XKR6: variants seen among roughly 807,000 people sequenced by gnomAD.
XKR6 encodes XK-related protein 6.
XKR6 carries 22 observed loss-of-function variants against 56.7 expected under a neutral mutation model. The ratio of observed to expected loss-of-function variants is 0.39; its 90% confidence interval spans 0.28 to 0.55. The LOEUF is 0.55. XKR6 is among the 20% of genes least tolerant of loss of function. XKR6 has a pLI of 0.66. For missense variants in XKR6, 852 were observed against 889.0 expected, an observed-to-expected ratio of 0.96 and a Z score of 0.53; for synonymous variants, 524 against 387.8, an observed-to-expected ratio of 1.35 and a Z score of -4.13.
intron 1 of XKR6, among the ~76,000 whole-genome samples, chr8:10,979,812 T>C (rs1016079115): frequency 2.6e-5 from 4 of 152,042 alleles, no homozygotes; most frequent in African/African-American, 9.7e-5. Context: ...GGAGGGGAGA[T>C]CCAGGGCTGT....
chr8:11,005,456 G>A (rs958334712), intron 1 of XKR6, among the ~76,000 whole-genome samples: 2 of 152,042 alleles, frequency 1.3e-5, no homozygotes, highest in Admixed American at 1.3e-4. Context: ...GTTTCCATTT[G>A]GGAAGATGAA....
chr8:11,006,401 C>G (rs1292611746), intron 1 of XKR6, among the ~76,000 whole-genome samples: 2 of 152,118 alleles, frequency 1.3e-5, no homozygotes, highest in African/African-American at 4.8e-5. Flanking sequence ...TTGTCACTAT[C>G]CATCCCTTAT....
intron 1 of XKR6, among the ~76,000 whole-genome samples, chr8:10,950,688 C>A (rs1163560380): frequency 6.6e-6 from 1 of 152,222 alleles, no homozygotes; most frequent in Non-Finnish European, 1.5e-5. Flanking sequence ...CATACCTCAA[C>A]ACATTCCGAA....
At chr8:11,196,697 C>A (rs1803909795) in intron 1 of XKR6, among the ~76,000 whole-genome samples, 1 of 152,224 alleles carries the variant, frequency 6.6e-6, no homozygotes, top group Non-Finnish European at 1.5e-5. Context: ...GGGGTTCCCA[C>A]GTGATCACTT....
chr8:11,076,189 T>A (rs7017567), intron 1 of XKR6, among the ~76,000 whole-genome samples: 82,875 of 152,016 alleles, frequency 0.55, 24,886 homozygotes, highest in African/African-American at 0.77. Flanking sequence ...TAGAGGCAGA[T>A]AGTAGAATGG....
At chr8:10,938,253 T>C (rs1029165012) in intron 1 of XKR6, among the ~76,000 whole-genome samples, 2 of 152,188 alleles carry the variant, frequency 1.3e-5, no homozygotes, top group Non-Finnish European at 2.9e-5. Context: ...CTCGCCCTGC[T>C]TCGGCTCGCG....
At chr8:11,143,815 A>G (rs1053699447) in intron 1 of XKR6, among the ~76,000 whole-genome samples, 1 of 152,184 alleles carries the variant, frequency 6.6e-6, no homozygotes, top group Non-Finnish European at 1.5e-5. Flanking sequence ...GGGCTACCAT[A>G]ACAAAATACT....
chr8:10,897,972 G>A lies in XKR6; in HGVS notation c.1906C>T (p.Gln636Ter), dbSNP rs764645914. 6.3e-7 allele frequency: 1 copy of A among 1,593,678 alleles called. No homozygotes were observed. The highest frequency in any genetic ancestry group is 8.5e-7 in the Non-Finnish European group (1 of 1,170,566). Residue 636 changes from glutamine (Q) to a stop codon, truncating the protein, a stop_gained, in exon 3 of 3, where the codon CAG becomes TAG. Transcript: ENST00000416569. LOFTEE classifies it high-confidence loss of function. ...RDGPLLYELL[Q>*]YESSL ...TGCTCTTAGAGTGAAGACTCATACT[G>A]TAGCAACTCATAGAGGAGTGGTCCG...
At chr8:11,050,051 A>G (rs984218800) in intron 1 of XKR6, among the ~76,000 whole-genome samples, 1 of 152,200 alleles carries the variant, frequency 6.6e-6, no homozygotes, top group African/African-American at 2.4e-5. Context: ...GCCTTGAGCA[A>G]CACGCTCCAG....
chr8:11,194,972 T>A, intron 1 of XKR6: 2 of 542,218 alleles, frequency 3.7e-6, no homozygotes, highest in Non-Finnish European at 6.5e-6. Flanking sequence ...AAATTTACCA[T>A]AAATGTCAAG....
intron 1 of XKR6, among the ~76,000 whole-genome samples, chr8:11,033,074 C>T (rs551951321): frequency 2.7e-4 from 40 of 150,826 alleles, no homozygotes; most frequent in East Asian, 1.6e-3. Context: ...GTGGTGGTGA[C>T]GATGGTAATG....
At chr8:11,132,778 C>A (rs1800173891) in intron 1 of XKR6, among the ~76,000 whole-genome samples, 1 of 144,230 alleles carries the variant, frequency 6.9e-6, no homozygotes, top group Non-Finnish European at 1.5e-5. Context: ...CACACACACA[C>A]ACACACACGC....
chr8:10,996,792 C>T (rs984098977), intron 1 of XKR6, among the ~76,000 whole-genome samples: 2 of 152,048 alleles, frequency 1.3e-5, no homozygotes, highest in Non-Finnish European at 2.9e-5. Context: ...GTGGGAGGAT[C>T]ACTGGAGGCT....
chr8:10,907,002 C>G (rs56183247), intron 2 of XKR6, among the ~76,000 whole-genome samples: 5,929 of 151,862 alleles, frequency 0.039, 176 homozygotes, highest in Non-Finnish European at 0.062. Flanking sequence ...GAGCAGGGAT[C>G]ACACCACTGC....
chr8:11,013,637 G>A (rs1242815304), intron 1 of XKR6, among the ~76,000 whole-genome samples: 4 of 152,172 alleles, frequency 2.6e-5, no homozygotes, highest in African/African-American at 9.7e-5. Context: ...CTGTGTTGCT[G>A]GTGGGAATGT....
intron 2 of XKR6, among the ~76,000 whole-genome samples, chr8:10,921,610 A>G (rs1191851797): frequency 6.6e-6 from 1 of 152,222 alleles, no homozygotes; most frequent in Non-Finnish European, 1.5e-5. Flanking sequence ...GGGATTGTGA[A>G]AAGATGAAGG....
chr8:10,934,868 G>A (rs1022046839), intron 1 of XKR6, among the ~76,000 whole-genome samples: 20 of 144,352 alleles, frequency 1.4e-4, no homozygotes, highest in South Asian at 6.8e-4. Flanking sequence ...CTCTTTTTTC[G>A]TTGTGTCTCT....
At chr8:10,935,644 C>T (rs1198633096) in intron 1 of XKR6, among the ~76,000 whole-genome samples, 1 of 151,666 alleles carries the variant, frequency 6.6e-6, no homozygotes, top group Non-Finnish European at 1.5e-5. Flanking sequence ...TTTCTGCCTT[C>T]ATTTTGTTAT....
chr8:11,064,455 C>CT (rs5889358), intron 1 of XKR6, among the ~76,000 whole-genome samples: 1 of 151,748 alleles, frequency 6.6e-6, no homozygotes, highest in Non-Finnish European at 1.5e-5. Context: ...AAGAAAGCCC[C>CT]AACATCTTAA....
Sources: gnomAD v4.1 joint callset for allele counts (sites outside exome capture counted in the v4.1 genomes callset) on GRCh38, gnomAD v4.1.1 for gene constraint, MANE v1.5 for transcripts, NCBI Gene and HGNC (gene_info 2026-07-23, HGNC 2026-07-21) for gene names.